Variants in DNAH3 observed in about 807,000 individuals in gnomAD.
The protein encoded by DNAH3 is dynein axonemal heavy chain 3.
In DNAH3, 332 loss-of-function variants were observed where a neutral mutation model predicts 432.5. The ratio of observed to expected loss-of-function variants is 0.77; its 90% CI spans 0.70 to 0.84. The LOEUF is 0.84. DNAH3 is among the 40% of genes least tolerant of loss of function. The probability of loss-of-function intolerance (pLI) is 0.00; values close to 1 mark genes in which losing one functional copy is unlikely to be tolerated. For synonymous variants in DNAH3, 1,956 were observed against 1,900.2 expected (o/e 1.03, Z -0.76); for missense variants, 4,861 against 5,114.0 (o/e 0.95, Z 1.51).
At chr16:20,988,507 C>T (rs1382194748) in intron 44 of DNAH3, among the ~76,000 whole-genome samples, 5 of 152,158 alleles carry the variant, frequency 3.3e-5, no homozygotes, top group Non-Finnish European at 4.4e-5. Flanking sequence ...CTCCGCCTCC[C>T]GGGCTCAAGA....
At chr16:21,154,404 C>A (rs202166430) in intron 1 of DNAH3, among the ~76,000 whole-genome samples, 8 of 146,408 alleles carry the variant, frequency 5.5e-5, no homozygotes, top group African/African-American at 1.0e-4. Context: ...GACTCTGTCT[C>A]AAAAAAAAAA....
chr16:20,984,784 G>T (rs905015915), intron 48 of DNAH3, among the ~76,000 whole-genome samples: 2 of 152,104 alleles, frequency 1.3e-5, no homozygotes, highest in African/African-American at 2.4e-5. Context: ...AGAATCGCTT[G>T]AAACTGGGAG....
At chr16:20,985,147 G>A in exon 48 of DNAH3, 1 of 1,614,204 alleles carries the variant, frequency 6.2e-7, no homozygotes, top group Non-Finnish European at 8.5e-7. Context: ...CCTGGCTGCA[G>A]TCTGCATCTT....
At chr16:21,064,019 T>C (rs970817843) in intron 24 of DNAH3, among the ~76,000 whole-genome samples, 1 of 152,174 alleles carries the variant, frequency 6.6e-6, no homozygotes, top group African/African-American at 2.4e-5. Flanking sequence ...ATATGGTGGA[T>C]TACAAAAATG....
intron 17 of DNAH3, 48 bp from the exon 18 acceptor site, chr16:21,097,547 A>T (rs763269495): frequency 1.2e-6 from 2 of 1,604,822 alleles, no homozygotes; most frequent in Admixed American, 3.3e-5. Context: ...TGTTCTCCTA[A>T]GCCCTCGAAG....
intron 23 of DNAH3, among the ~76,000 whole-genome samples, chr16:21,067,760 G>C (rs34716224): frequency 1.2e-4 from 6 of 49,548 alleles, no homozygotes; most frequent in Admixed American, 4.9e-4. Flanking sequence ...CCAGTCTTGG[G>C]GGGGGGGGTG....
intron 51 of DNAH3, 31 bp from the exon 52 acceptor site, chr16:20,970,021 G>A (rs374752930): frequency 2.0e-4 from 315 of 1,607,002 alleles, no homozygotes; most frequent in Non-Finnish European, 2.6e-4. Flanking sequence ...AAGGAGATGA[G>A]TGCCCAGGGC....
chr16:21,120,769 C>T, exon 11 of DNAH3: 1 of 1,614,112 alleles, frequency 6.2e-7, no homozygotes, highest in African/African-American at 1.3e-5. Flanking sequence ...CGCGTGCATG[C>T]TGGGCTCTCC....
At chr16:20,973,435 T>C (rs2085436764) in intron 51 of DNAH3, among the ~76,000 whole-genome samples, 1 of 152,118 alleles carries the variant, frequency 6.6e-6, no homozygotes. Flanking sequence ...GTATTTTTAG[T>C]AGAGATAAGG....
At chr16:20,952,657 A>T (rs1271256344) in intron 55 of DNAH3, 108 bp from the exon 56 acceptor site, 11 of 729,508 alleles carry the variant, frequency 1.5e-5, no homozygotes, top group Non-Finnish European at 2.2e-5. Context: ...AGCCTCTTTC[A>T]GGCTCATGAA....
chr16:20,983,015 G>T, intron 48 of DNAH3, 129 bp from the exon 49 acceptor site: 3 of 923,764 alleles, frequency 3.2e-6, no homozygotes, highest in Non-Finnish European at 5.1e-6. Flanking sequence ...CCAGGGATGT[G>T]ACTGTCAATG....
chr16:20,979,302 GTC>G (rs772754903), intron 50 of DNAH3, 26 bp downstream of exon 50: 7 of 1,610,152 alleles, frequency 4.3e-6, no homozygotes, highest in African/African-American at 1.3e-5. Flanking sequence ...GGGCCTCTTT[GTC>G]TCTGTTCTGT....
intron 49 of DNAH3, among the ~76,000 whole-genome samples, chr16:20,981,334 G>C (rs112163618): frequency 6.6e-6 from 1 of 152,122 alleles, no homozygotes; most frequent in African/African-American, 2.4e-5. Flanking sequence ...CAGGTTAAGG[G>C]TCTTCTGGTC....
At chr16:21,049,911 T>C (rs373422026) in exon 30 of DNAH3, 2 of 1,613,332 alleles carry the variant, frequency 1.2e-6, no homozygotes, top group Non-Finnish European at 1.7e-6. Context: ...TTTGCTTACC[T>C]GCTTAGCCAA....
At chr16:20,939,612 CAAAA>C (rs35683068) in intron 59 of DNAH3, among the ~76,000 whole-genome samples, 2 of 97,626 alleles carry the variant, frequency 2.0e-5, no homozygotes, top group African/African-American at 3.8e-5. Context: ...GACTCTGTCT[CAAAA>C]AAAAAAAAAA....
intron 53 of DNAH3, among the ~76,000 whole-genome samples, chr16:20,961,174 G>A (rs1036692085): frequency 6.6e-6 from 1 of 152,176 alleles, no homozygotes; most frequent in African/African-American, 2.4e-5. Context: ...GTTACGAACT[G>A]CATCGTGTCC....
chr16:21,140,542 G>A (rs758895104), exon 5 of DNAH3: 1 of 1,613,886 alleles, frequency 6.2e-7, no homozygotes, highest in South Asian at 1.1e-5. Context: ...GTACCTCCAG[G>A]TCCGATTCAG....
exon 29 of DNAH3, chr16:21,051,698 T>C (rs2089962081): frequency 3.1e-6 from 5 of 1,613,442 alleles, no homozygotes; most frequent in Non-Finnish European, 3.4e-6. Context: ...AGGGGTGTGA[T>C]CACCAGCCGG....
At chr16:21,118,039 G>A (rs1269681078) in intron 11 of DNAH3, among the ~76,000 whole-genome samples, 1 of 152,092 alleles carries the variant, frequency 6.6e-6, no homozygotes, top group Non-Finnish European at 1.5e-5. Context: ...CCAGGCTGGA[G>A]TGCAGTGGCA....
Sources: allele counts gnomAD v4.1 joint callset (sites outside exome capture counted in the v4.1 genomes callset), GRCh38; gene constraint gnomAD v4.1.1; transcripts MANE v1.5; gene names NCBI Gene and HGNC (gene_info 2026-07-23, HGNC 2026-07-21).